SGK3: variants seen among roughly 807,000 people sequenced by gnomAD.
SGK3 encodes the protein serine/threonine-protein kinase Sgk3.
Under a neutral mutation model 68.5 loss-of-function variants are expected in SGK3, and 47 were observed. That is an observed-to-expected ratio of 0.69 (90% CI 0.54 to 0.87). SGK3 has a LOEUF of 0.87. Ranked by LOEUF, SGK3 falls within the 40% of genes least tolerant of loss-of-function variation. The pLI is 0.00. For synonymous variants in SGK3, 181 were observed against 189.1 expected (o/e 0.96, Z 0.35); for missense variants, 479 against 575.5 (o/e 0.83, Z 1.72).
At chr8:66,720,631 ATAG>A (rs1196870959) in intron 1 of SGK3, among the ~76,000 whole-genome samples, 1 of 149,534 alleles carries the variant, frequency 6.7e-6, no homozygotes, top group East Asian at 1.9e-4. Context: ...TTAGCTGGAC[ATAG>A]TGGTGGGTGC....
chr8:66,763,383 T>TC (rs1563614881), intron 1 of SGK3, among the ~76,000 whole-genome samples: 2 of 152,206 alleles, frequency 1.3e-5, no homozygotes, highest in Non-Finnish European at 2.9e-5. Context: ...CTGAGGTTTT[T>TC]CACATGACTC....
At chr8:66,807,569 A>G (rs1306106236) in intron 4 of SGK3, among the ~76,000 whole-genome samples, 1 of 152,226 alleles carries the variant, frequency 6.6e-6, no homozygotes, top group African/African-American at 2.4e-5. Flanking sequence ...CAGAGATATT[A>G]GAAAGTCCTG....
intron 8 of SGK3, among the ~76,000 whole-genome samples, chr8:66,834,845 C>T (rs1463234117): frequency 6.7e-6 from 1 of 150,100 alleles, no homozygotes; most frequent in Non-Finnish European, 1.5e-5. Flanking sequence ...GAGGCTGAGG[C>T]AGGAGAATGG....
At chr8:66,745,235 A>G (rs909978752) in intron 1 of SGK3, among the ~76,000 whole-genome samples, 1 of 151,976 alleles carries the variant, frequency 6.6e-6, no homozygotes, top group African/African-American at 2.4e-5. Context: ...CAAGTGCCTG[A>G]TGATTATTTA....
chr8:66,720,757 C>G (rs182286825), intron 1 of SGK3, among the ~76,000 whole-genome samples: 37 of 145,654 alleles, frequency 2.5e-4, no homozygotes, highest in Non-Finnish European at 2.4e-4. Context: ...GTGACAAGAG[C>G]AAAACTCTGT....
At chr8:66,814,098 A>C (rs1473551538) in intron 5 of SGK3, among the ~76,000 whole-genome samples, 170 bp downstream of exon 5, 1 of 151,780 alleles carries the variant, frequency 6.6e-6, no homozygotes, top group Non-Finnish European at 1.5e-5. Context: ...TTTTCTCTTC[A>C]TCTTAGTTAT....
intron 13 of SGK3, among the ~76,000 whole-genome samples, chr8:66,842,939 C>T (rs1041529716): frequency 2.0e-5 from 3 of 152,010 alleles, no homozygotes; most frequent in Admixed American, 6.6e-5. Context: ...GGTGTGGTGG[C>T]GCATGCCTCT....
At chr8:66,791,756 A>C (rs1807465371) in intron 1 of SGK3, among the ~76,000 whole-genome samples, 1 of 152,108 alleles carries the variant, frequency 6.6e-6, no homozygotes. Context: ...TCTCTGCTGT[A>C]GGAGGAGAAG....
intron 1 of SGK3, among the ~76,000 whole-genome samples, chr8:66,731,144 G>A (rs958993733): frequency 4.6e-5 from 7 of 152,136 alleles, no homozygotes; most frequent in Non-Finnish European, 8.8e-5. Flanking sequence ...CACTTTGTAT[G>A]ATTTTTGTAC....
intron 1 of SGK3, among the ~76,000 whole-genome samples, chr8:66,728,639 T>A (rs758003554): frequency 6.6e-5 from 10 of 152,106 alleles, no homozygotes; most frequent in Non-Finnish European, 1.0e-4. Context: ...TTCTTTATAT[T>A]GGTGAAAAAT....
chr8:66,792,647 G>A (rs948956148), intron 1 of SGK3, among the ~76,000 whole-genome samples: 1 of 152,136 alleles, frequency 6.6e-6, no homozygotes, highest in East Asian at 1.9e-4. Flanking sequence ...GGGAGATCAA[G>A]TTGGGAGGAA....
In SGK3 at chr8:66,758,011, T is replaced by TACACACACACACACACACACAC. The variant is rs374764386; in HGVS notation, c.-121-35600_-121-35579dup. On this transcript the variant is annotated intron_variant, in intron 1 of 16. Coordinates refer to ENST00000521198, the MANE Select transcript of SGK3 (RefSeq NM_001033578.3). The stretch of plus-strand genomic sequence containing the variant: ...TATGTATATATATACACACACACAC[T>TACACACACACACACACACACAC]ACACACACACACACACACACACACA... 3.7e-3 allele frequency among the ~76,000 whole-genome samples: 495 copies of TACACACACACACACACACACAC among 133,682 alleles called. 4 individuals are homozygous for TACACACACACACACACACACAC. The highest frequency in any genetic ancestry group is 0.012 in the African/African-American group (429 of 35,092). 87.7% of individuals were successfully genotyped at this position (133,682 alleles called of 152,430 possible).
At chr8:66,748,331 T>A (rs1468129437) in intron 1 of SGK3, among the ~76,000 whole-genome samples, 3 of 152,174 alleles carry the variant, frequency 2.0e-5, no homozygotes, top group Admixed American at 1.3e-4. Context: ...AAAGAATTGA[T>A]CCCTGACTGT....
chr8:66,803,532 T>C (rs1275036817), intron 3 of SGK3, among the ~76,000 whole-genome samples: 1 of 147,884 alleles, frequency 6.8e-6, no homozygotes, highest in African/African-American at 2.6e-5. Context: ...TGTGTATTTT[T>C]GACATCAAAC....
chr8:66,809,873 CT>C (rs556569632), intron 4 of SGK3, among the ~76,000 whole-genome samples: 1 of 152,262 alleles, frequency 6.6e-6, no homozygotes, highest in South Asian at 2.1e-4. Context: ...GGTAGAAAGC[CT>C]CAGCTCCTTG....
chr8:66,716,358 G>A (rs1001500361), intron 1 of SGK3, among the ~76,000 whole-genome samples: 7 of 152,114 alleles, frequency 4.6e-5, no homozygotes, highest in African/African-American at 7.2e-5. Context: ...AATTCAAAGC[G>A]TCACCCAGTA....
rs1369713162 is a variant in SGK3 at position 66,746,819 on chromosome 8, G to A, written c.-122+33986G>A. ...CAAGTGATCCTCCCACCTTTGTCTC[G>A]AAAGTTACTGGGATTACAGGTGTAA... On this transcript the variant is annotated intron_variant, in intron 1 of 16. Transcript: ENST00000521198. Among the ~76,000 whole-genome samples, 7 of 151,826 alleles carry A rather than the reference G, an allele frequency of 4.6e-5. No homozygotes were observed. The East Asian group carries it at 7.7e-4, about 17-fold the overall frequency.
chr8:66,830,879 T>C (rs1809276482), intron 7 of SGK3, among the ~76,000 whole-genome samples: 1 of 152,240 alleles, frequency 6.6e-6, no homozygotes, highest in South Asian at 2.1e-4. Context: ...TATATAGTTA[T>C]TTAATTTCCT....
At chr8:66,719,908 G>A (rs773271346) in intron 1 of SGK3, among the ~76,000 whole-genome samples, 43 of 152,178 alleles carry the variant, frequency 2.8e-4, no homozygotes, top group Non-Finnish European at 5.9e-4. Flanking sequence ...TTTTATTTGT[G>A]TGTGCATGTG....
Sources: gnomAD v4.1 joint callset for allele counts (sites outside exome capture counted in the v4.1 genomes callset) on GRCh38, gnomAD v4.1.1 for gene constraint, MANE v1.5 for transcripts, NCBI Gene and HGNC (gene_info 2026-07-23, HGNC 2026-07-21) for gene names.